KANTR: variants seen among roughly 807,000 people sequenced by gnomAD.
The protein encoded by KANTR is KANTR integral membrane protein.
At chrX:53,133,543 A>T (rs1602126649) in intron 2 of KANTR, among the ~76,000 whole-genome samples, 3 of 111,568 alleles carry the variant, frequency 2.7e-5, no homozygotes, top group African/African-American at 9.8e-5. Context: ...AGCCTGGCGC[A>T]GACGGTCTGT....
chrX:53,108,296 G>T (rs1412280091), intron 2 of KANTR, among the ~76,000 whole-genome samples: 1 of 109,256 alleles, frequency 9.2e-6, no homozygotes, highest in Non-Finnish European at 1.9e-5. Context: ...CCACCTCCCG[G>T]GTTCAAGCAA....
intron 2 of KANTR, among the ~76,000 whole-genome samples, chrX:53,114,724 G>A (rs1241417180): frequency 7.2e-5 from 8 of 111,005 alleles, no homozygotes; most frequent in Non-Finnish European, 1.3e-4. Context: ...TGGGTCTACA[G>A]GGGCTGACAT....
At chrX:53,101,927 G>A (rs1213243153) in intron 2 of KANTR, among the ~76,000 whole-genome samples, 1 of 109,339 alleles carries the variant, frequency 9.1e-6, no homozygotes, top group African/African-American at 3.3e-5. Context: ...TTGAGCCCAG[G>A]AGGCAAAGGC....
chrX:53,113,152 A>G, intron 2 of KANTR: 1 of 264,739 alleles, frequency 3.8e-6, no homozygotes, highest in Non-Finnish European at 7.4e-6. Context: ...AGTCAATTCC[A>G]GCCATCAGAG....
chrX:53,130,741 A>G (rs1255483357), downstream of KANTR, among the ~76,000 whole-genome samples: 5 of 111,620 alleles, frequency 4.5e-5, no homozygotes, highest in Non-Finnish European at 9.4e-5. Flanking sequence ...CTATGCTGCA[A>G]TGGGGAAAGG....
exon 3 of KANTR, chrX:53,124,584 A>T (rs782419905): frequency 8.9e-5 from 26 of 291,558 alleles, no homozygotes; most frequent in Non-Finnish European, 1.2e-4. Flanking sequence ...TTTCCCTCTA[A>T]CTCCTGCTTC....
At chrX:53,143,647 G>T, downstream of KANTR, 4 of 738,061 alleles carry the variant, frequency 5.4e-6, no homozygotes, top group South Asian at 8.3e-5. Flanking sequence ...GTTGTAGAAG[G>T]TGTGGTGCCA....
At chrX:53,137,726 G>A (rs184541350) in intron 2 of KANTR, among the ~76,000 whole-genome samples, 9,766 of 107,609 alleles carry the variant, frequency 0.091, 1,200 homozygotes, top group African/African-American at 0.32. Context: ...CTGAGATCGT[G>A]CCATTGCACT....
At chrX:53,139,046 A>G (rs948296347) in intron 2 of KANTR, among the ~76,000 whole-genome samples, 4 of 108,778 alleles carry the variant, frequency 3.7e-5, no homozygotes, top group Non-Finnish European at 7.7e-5. Context: ...ATGGTGAAAC[A>G]CCATGTCTAC....
rs781829088 is a variant in KANTR at position 53,111,741 on chromosome X, A to G, written c.-804-11728A>G. Among the ~76,000 whole-genome samples the G allele has an allele frequency of 1.2e-3, 131 of 111,828 alleles. 1 individual carries two copies. The highest frequency in any genetic ancestry group is 4.2e-3 in the African/African-American group (128 of 30,833). On this transcript the variant is annotated intron_variant, in intron 2 of 2. Coordinates refer to ENST00000604062, the Ensembl canonical transcript of KANTR. ...TTTCTGTTTCTGGTTGAGCCAGTTA[A>G]GCCCCTTCCTCATCCCTCTTTTCTG... is the stretch of plus-strand genomic sequence containing the variant.
At chrX:53,118,786 T>G (rs1933173627) in intron 2 of KANTR, among the ~76,000 whole-genome samples, 2 of 109,393 alleles carry the variant, frequency 1.8e-5, no homozygotes, top group African/African-American at 3.3e-5. Flanking sequence ...AGATCTTTTT[T>G]GTTTAGATGG....
chrX:53,116,680 T>A (rs1364088740), intron 2 of KANTR, among the ~76,000 whole-genome samples: 1 of 111,577 alleles, frequency 9.0e-6, no homozygotes, highest in Non-Finnish European at 1.9e-5. Flanking sequence ...GGATGATGAT[T>A]TTCACTTCAT....
chrX:53,137,343 T>C, intron 2 of KANTR, among the ~76,000 whole-genome samples: 1 of 112,078 alleles, frequency 8.9e-6, no homozygotes, highest in Non-Finnish European at 1.9e-5. Flanking sequence ...TTTAGCATGG[T>C]GTATTTTTCT....
intron 2 of KANTR, chrX:53,113,072 C>A: frequency 4.2e-6 from 1 of 238,787 alleles, no homozygotes; most frequent in Non-Finnish European, 8.3e-6. Flanking sequence ...TGAACTTTAA[C>A]AAGACTTTAT....
chrX:53,095,266 C>G (rs933078160), intron 1 of KANTR, among the ~76,000 whole-genome samples: 3 of 112,027 alleles, frequency 2.7e-5, no homozygotes, highest in Non-Finnish European at 5.6e-5. Flanking sequence ...CTGGTTATGT[C>G]TCCATACAGC....
intron 2 of KANTR, among the ~76,000 whole-genome samples, chrX:53,138,770 C>G (rs782218751): frequency 9.2e-6 from 1 of 108,995 alleles, no homozygotes; most frequent in South Asian, 3.9e-4. Context: ...TAGACCAATA[C>G]AACAGCATAG....
At chrX:53,127,669 G>C (rs1301371388), downstream of KANTR, among the ~76,000 whole-genome samples, 2 of 111,616 alleles carry the variant, frequency 1.8e-5, no homozygotes, top group African/African-American at 6.5e-5. Flanking sequence ...CTGGCTGTAC[G>C]CCCTAGGGCT....
At chrX:53,142,764 A>G (rs1446712120), downstream of KANTR, 4 of 457,020 alleles carry the variant, frequency 8.8e-6, no homozygotes, top group Admixed American at 1.0e-4. Flanking sequence ...TGCGGTAGAC[A>G]ATGGAGGGGC....
chrX:53,125,047 T>TCTCC (rs1222049831), exon 3 of KANTR: 2 of 111,981 alleles, frequency 1.8e-5, no homozygotes, highest in African/African-American at 6.5e-5. Context: ...TTTGGCAATT[T>TCTCC]CTCCTTGTAA....
Sources: gnomAD v4.1 joint callset for allele counts (sites outside exome capture counted in the v4.1 genomes callset) on GRCh38, gnomAD v4.1.1 for gene constraint, MANE v1.5 for transcripts, NCBI Gene and HGNC (gene_info 2026-07-23, HGNC 2026-07-21) for gene names.